The following C11orf21 variants were observed in gnomAD, a reference collection of about 807,000 sequenced individuals.
C11orf21 encodes the protein uncharacterized protein C11orf21.
Under a neutral mutation model 15.2 loss-of-function variants are expected in C11orf21, and 19 were observed. That is an observed-to-expected ratio of 1.25 (90% CI 0.87 to 1.84). C11orf21 has a LOEUF of 1.84. C11orf21 is among the 40% of genes most tolerant of loss of function. The pLI is 0.00. For missense variants in C11orf21, 171 were observed against 174.4 expected (o/e 0.98, Z 0.11); for synonymous variants, 62 against 66.8 (o/e 0.93, Z 0.35).
At chr11:2,302,327 C>T (rs2234288), upstream of C11orf21, 456 of 1,168,218 alleles carry the variant, frequency 3.9e-4, no homozygotes, top group Non-Finnish European at 4.8e-4. Context: ...ACCAGCCCTA[C>T]TGTCCCTGTC....
At chr11:2,302,971 C>G, upstream of C11orf21, 1 of 1,609,176 alleles carries the variant, frequency 6.2e-7, no homozygotes, top group African/African-American at 1.3e-5. Flanking sequence ...AAGTGAGGTC[C>G]AGGCCTGGCT....
upstream of C11orf21, among the ~76,000 whole-genome samples, chr11:2,302,522 C>A (rs1431643656): frequency 6.6e-6 from 1 of 152,200 alleles, no homozygotes; most frequent in Non-Finnish European, 1.5e-5. Flanking sequence ...ATCTTCTCCC[C>A]TTCCTGCCCC....
At chr11:2,301,981 C>T (rs758657077), upstream of C11orf21, 2 of 1,490,118 alleles carry the variant, frequency 1.3e-6, no homozygotes, top group Non-Finnish European at 1.8e-6. Flanking sequence ...TCCTGCCTGC[C>T]CTTCTTCCGG....
chr11:2,298,955 G>A (rs1847601306), intron 3 of C11orf21, among the ~76,000 whole-genome samples: 3 of 152,268 alleles, frequency 2.0e-5, no homozygotes, highest in Admixed American at 6.5e-5. Flanking sequence ...AGCAGCCCAC[G>A]GCACTGAGAG....
intron 3 of C11orf21, 37 bp downstream of exon 3, chr11:2,299,391 G>A: frequency 6.5e-7 from 1 of 1,534,150 alleles, no homozygotes; most frequent in Non-Finnish European, 8.8e-7. Flanking sequence ...ACAGCACAGG[G>A]GCCCCCAGGC....
rs72844191 is a variant in C11orf21 at position 2,297,056 on chromosome 11, G to A, written c.*894C>T. ...TCCCACCCTGGGGTCCTCAGCCTCC[G>A]CCCAAGGCAGGGGGGACACTGCTGG... is the stretch of plus-strand genomic sequence containing the variant. On this transcript the variant is annotated 3_prime_UTR_variant, in exon 4 of 4. Coordinates refer to ENST00000381153, the MANE Select transcript of C11orf21 (RefSeq NM_001329958.2). 8.3e-3 allele frequency: 1,264 copies of A among 152,530 alleles called. 10 individuals carry two copies. The highest frequency in any genetic ancestry group is 0.014 in the Non-Finnish European group (963 of 68,214). The allele number at this position is 152,530 out of a possible 1,614,324, so 9.4% of individuals were successfully genotyped here.
At chr11:2,302,215 G>A (rs762917262), upstream of C11orf21, 17 of 1,404,458 alleles carry the variant, frequency 1.2e-5, no homozygotes, top group African/African-American at 2.5e-4. Flanking sequence ...TCTTTATCTT[G>A]GTAACAGGCA....
At position 2,300,556 on chromosome 11, in the gene C11orf21, C is replaced by T. The variant is rs919892333; in HGVS notation, c.111G>A (p.Arg37=). 35 of 1,549,366 alleles carry T rather than the reference C, an allele frequency of 2.3e-5. No individual in the cohort carries two copies. The highest frequency in any genetic ancestry group is 2.9e-5 in the Non-Finnish European group (33 of 1,146,504). ...SSQSGVEPPD[R]WTGTPGWPSR... ...AGGGCCAGCCGGGGGTTCCCGTCCA[C>T]CTGTCAGGGGGTTCGACGCCACTTT... is the stretch of plus-strand genomic sequence containing the variant. Residue 37 remains arginine (R), a synonymous_variant, in exon 2 of 4, where the codon AGG becomes AGA. Transcript: ENST00000381153.
rs975428674 is a variant in C11orf21, at chr11:2,296,714, A to C, written c.*1236T>G. 6 of 152,312 alleles carry C rather than the reference A, an allele frequency of 3.9e-5. No individual in the cohort carries two copies. The highest frequency in any genetic ancestry group is 1.4e-4 in the African/African-American group (6 of 41,460). 9.4% of individuals were successfully genotyped at this position (152,312 alleles called of 1,614,324 possible). On this transcript the variant is annotated 3_prime_UTR_variant, in exon 4 of 4. Coordinates refer to ENST00000381153, the MANE Select transcript of C11orf21 (RefSeq NM_001329958.2). This position sits in a 1 kb window ranked among gnomAD's most constrained non-coding sequence, Gnocchi z 5.6. Reference sequence around the variant, plus strand: ...ACCGTGAGCCACCGGCCAAGGCCACAGGGCTCCATGGGCTGGACTGTTCCA... The same window carrying C: ...ACCGTGAGCCACCGGCCAAGGCCACCGGGCTCCATGGGCTGGACTGTTCCA...
At chr11:2,302,140 A>T (rs1169405346), upstream of C11orf21, 16 of 1,468,168 alleles carry the variant, frequency 1.1e-5, no homozygotes, top group Non-Finnish European at 1.4e-5. Context: ...AGGAGAGGAG[A>T]GGAACCGTCA....
upstream of C11orf21, chr11:2,302,041 G>T (rs996455444): frequency 6.7e-7 from 1 of 1,495,252 alleles, no homozygotes; most frequent in South Asian, 1.4e-5. Context: ...AGACAGAGGG[G>T]CGGATGCAGC....
chr11:2,300,418 G>A, intron 2 of C11orf21, 102 bp downstream of exon 2: 1 of 750,378 alleles, frequency 1.3e-6, no homozygotes. Context: ...TCTTGCAGAG[G>A]GAATGTTGGG....
chr11:2,298,567 C>G (rs57739880), intron 3 of C11orf21, among the ~76,000 whole-genome samples: 4 of 151,866 alleles, frequency 2.6e-5, no homozygotes, highest in Non-Finnish European at 4.4e-5. Context: ...TGCCCAGGCC[C>G]GGGGGGTCAC....
rs556415107 is a variant in C11orf21 at position 2,296,083 on chromosome 11, C to A, written c.*1867G>T. Reference sequence around the variant, plus strand: ...CTCCGGGACCCCCCTGTCTTCCACACAAGCCAATTAGACGAGTGGAACGAG... The same window carrying A: ...CTCCGGGACCCCCCTGTCTTCCACAAAAGCCAATTAGACGAGTGGAACGAG... On this transcript the variant is annotated 3_prime_UTR_variant, in exon 4 of 4. Transcript: ENST00000381153. This position sits in a 1 kb window ranked among gnomAD's most constrained non-coding sequence, Gnocchi z 5.6. The A allele has an allele frequency of 3.3e-5, 5 of 152,290 alleles. No individual in the cohort carries two copies. Among genetic ancestry groups the A allele is most frequent in the African/African-American group, 1.2e-4 (5 of 41,556 alleles). 9.4% of individuals were successfully genotyped at this position (152,290 alleles called of 1,614,324 possible). A position where few individuals can be genotyped will look rare whatever the true frequency, so the allele number is the denominator to read the frequency against.
In C11orf21 at chr11:2,301,852, A is replaced by G; in HGVS notation, c.-44T>C. ...GCCGTCCTCAGTGGCCACACCAAGA[A>G]CGAGGCCATGTCTTCCTGGGAAGGG... On this transcript the variant is annotated 5_prime_UTR_variant, in exon 1 of 4. Transcript: ENST00000381153. 6.5e-7 allele frequency: 1 copy of G among 1,550,368 alleles called. No individual in the cohort carries two copies. Among genetic ancestry groups the G allele is most frequent in the East Asian group, 2.4e-5 (1 of 40,890 alleles).
chr11:2,302,417 T>C (rs1847808907), upstream of C11orf21, among the ~76,000 whole-genome samples: 1 of 152,144 alleles, frequency 6.6e-6, no homozygotes, highest in Non-Finnish European at 1.5e-5. Context: ...CCGTCTCTCC[T>C]CCTGAGGGGC....
At chr11:2,300,932 C>T in intron 1 of C11orf21, 1 of 654,448 alleles carries the variant, frequency 1.5e-6, no homozygotes, top group Non-Finnish European at 2.7e-6. Context: ...ACACCTAGGC[C>T]CCCAGCTGAA....
chr11:2,301,359 C>A (rs1274225273), intron 1 of C11orf21: 1 of 197,130 alleles, frequency 5.1e-6, no homozygotes, highest in Non-Finnish European at 1.0e-5. Context: ...TTTTCACCCT[C>A]TTCAGGCCCA....
At chr11:2,298,015 T>G (rs552695005) in intron 3 of C11orf21, 94 bp from the exon 4 acceptor site, 1 of 152,360 alleles carries the variant, frequency 6.6e-6, no homozygotes, top group African/African-American at 2.4e-5. Flanking sequence ...GGGACCTTCA[T>G]GTCCTCATCT....
Sources: gnomAD v4.1 joint callset for allele counts (sites outside exome capture counted in the v4.1 genomes callset) on GRCh38, gnomAD v4.1.1 for gene constraint, Gnocchi (gnomAD v3.1) non-coding constraint, MANE v1.5 for transcripts, NCBI Gene and HGNC (gene_info 2026-07-23, HGNC 2026-07-21) for gene names.